The following ITIH5 variants were observed in gnomAD, a reference collection of about 807,000 sequenced individuals.
ITIH5 encodes inter-alpha-trypsin inhibitor heavy chain H5.
Under a neutral mutation model 77.5 loss-of-function variants are expected in ITIH5, and 65 were observed. The ratio of observed to expected loss-of-function variants is 0.84; its 90% CI spans 0.69 to 1.03. The LOEUF is 1.03. ITIH5 is among the 50% of genes least tolerant of loss of function. The pLI is 0.00. For synonymous variants in ITIH5, 525 were observed against 494.3 expected (o/e 1.06, Z -0.82); for missense variants, 1,208 against 1,213.1 (o/e 1.00, Z 0.06).
intron 2 of ITIH5, among the ~76,000 whole-genome samples, chr10:7,644,789 T>A (rs892108073): frequency 5.2e-4 from 66 of 126,204 alleles, no homozygotes; most frequent in African/African-American, 2.0e-3. Context: ...CACATATATA[T>A]CATATATATC....
chr10:7,637,273 G>C lies in ITIH5; in HGVS notation c.607C>G (p.Leu203Val), dbSNP rs1266476316. 6.2e-7 allele frequency: 1 copy of C among 1,611,550 alleles called. No homozygotes were observed. Among genetic ancestry groups the C allele is most frequent in the East Asian group, 2.2e-5 (1 of 44,882 alleles). Residue 203 changes from leucine to valine, a missense_variant, in exon 5 of 14, where the codon CTG becomes GTG. By Grantham distance (32) the Leu-to-Val change is conservative. Coordinates refer to ENST00000397146, the MANE Select transcript of ITIH5 (RefSeq NM_030569.7). ...ESAGIASLEV[L>V]PLHNSRQRGS... ...CTCTGCCTGCTGTTGTGAAGCGGCA[G>C]CACCTCCAGGGATGCGATGCCCGCG...
chr10:7,582,848 G>C (rs557204350), intron 8 of ITIH5, among the ~76,000 whole-genome samples: 2 of 152,312 alleles, frequency 1.3e-5, no homozygotes, highest in African/African-American at 4.8e-5. Flanking sequence ...GGGCAGGGTA[G>C]TGGGGGGTGG....
intron 5 of ITIH5, among the ~76,000 whole-genome samples, chr10:7,629,976 G>A (rs1833686967): frequency 6.6e-6 from 1 of 152,178 alleles, no homozygotes; most frequent in South Asian, 2.1e-4. Flanking sequence ...GTATTGGGGG[G>A]GCTACGGAGC....
At chr10:7,630,194 C>T (rs1833690487) in intron 5 of ITIH5, among the ~76,000 whole-genome samples, 1 of 152,042 alleles carries the variant, frequency 6.6e-6, no homozygotes, top group Admixed American at 6.6e-5. Context: ...ATTTACACAC[C>T]ATAAGATTTA....
In ITIH5 at chr10:7,576,945, C is replaced by T. The variant is rs35892621; in HGVS notation, c.1486G>A (p.Val496Met). 6.3e-4 allele frequency: 1,024 copies of T among 1,614,160 alleles called. 10 individuals carry two copies. The African/African-American group carries it at 0.012, about 19-fold the overall frequency. ...GGGAACAGGGTCTTGGTGGCCTGCA[C>T]CACTGAGCTGGGGGGATAATCGATG... ...IRIDYPPSSV[V>M]QATKTLFPNY... Residue 496 changes from valine to methionine, a missense_variant, in exon 10 of 14, where the codon GTG becomes ATG. Physicochemically the swap from Val to Met is conservative, Grantham distance 21. Transcript: ENST00000397146.
chr10:7,567,191 G>A (rs570510624), intron 12 of ITIH5, among the ~76,000 whole-genome samples: 1 of 151,448 alleles, frequency 6.6e-6, no homozygotes, highest in East Asian at 2.0e-4. Flanking sequence ...AAGTATTTGT[G>A]CATCTACACA....
At chr10:7,587,607 A>T (rs1362483367) in intron 7 of ITIH5, among the ~76,000 whole-genome samples, 16 of 152,218 alleles carry the variant, frequency 1.1e-4, no homozygotes, top group African/African-American at 3.9e-4. Context: ...CAGGACAGTA[A>T]TAGTACCTGC....
chr10:7,661,876 C>A (rs1834282028), intron 1 of ITIH5, among the ~76,000 whole-genome samples: 1 of 151,850 alleles, frequency 6.6e-6, no homozygotes, highest in Admixed American at 6.6e-5. Flanking sequence ...AATTTTTGTA[C>A]TTTTAGTAGA....
intron 5 of ITIH5, chr10:7,621,158 A>G (rs1833469070): frequency 6.6e-6 from 1 of 152,244 alleles, no homozygotes; most frequent in South Asian, 2.1e-4. Context: ...GAAAAGTGTC[A>G]ATAAAATGTG....
rs1471678245 is a variant in ITIH5, at chr10:7,628,980, C to T, written c.652+8248G>A. 1.0e-4 allele frequency among the ~76,000 whole-genome samples: 13 copies of T among 128,420 alleles called. 3 individuals are homozygous for T. Among genetic ancestry groups the T allele is most frequent in the East Asian group, 4.5e-4 (2 of 4,450 alleles). The allele number at this position is 128,420 out of a possible 152,430, so 84.2% of individuals were successfully genotyped here. On this transcript the variant is annotated intron_variant, in intron 5 of 13. Coordinates refer to ENST00000397146, the MANE Select transcript of ITIH5 (RefSeq NM_030569.7). ...GTGTGTCCGTGTTGTAGCATGTGTCCGTGTTGTGGCATGCATCCATGTTAT... is the reference window on the plus strand; with the variant it reads ...GTGTGTCCGTGTTGTAGCATGTGTCTGTGTTGTGGCATGCATCCATGTTAT...
At chr10:7,647,846 G>A (rs991383640) in intron 2 of ITIH5, among the ~76,000 whole-genome samples, 2 of 152,026 alleles carry the variant, frequency 1.3e-5, no homozygotes, top group African/African-American at 4.8e-5. Flanking sequence ...TTCCAGTCTA[G>A]GCCAAAGTCA....
chr10:7,609,120 C>T (rs1223105972), intron 7 of ITIH5, among the ~76,000 whole-genome samples: 1 of 152,202 alleles, frequency 6.6e-6, no homozygotes, highest in Non-Finnish European at 1.5e-5. Flanking sequence ...AGCATAATTA[C>T]ATCATTTTCC....
chr10:7,590,943 C>T (rs1039311803), intron 7 of ITIH5, among the ~76,000 whole-genome samples: 1 of 152,246 alleles, frequency 6.6e-6, no homozygotes. Context: ...TGTCACCAGG[C>T]TGGAGTGCAG....
At chr10:7,644,889 T>C (rs912634090) in intron 2 of ITIH5, among the ~76,000 whole-genome samples, 9 of 80,652 alleles carry the variant, frequency 1.1e-4, no homozygotes, top group Non-Finnish European at 2.0e-4. Flanking sequence ...ATATATCACA[T>C]ATATATATCA....
In ITIH5 at chr10:7,566,252, C is replaced by T. The variant is rs980279256; in HGVS notation, c.2305G>A (p.Asp769Asn). The T allele has an allele frequency of 5.0e-6, 8 of 1,613,156 alleles. No homozygotes were observed. Among genetic ancestry groups the T allele is most frequent in the African/African-American group, 1.3e-5 (1 of 74,890 alleles). The stretch of plus-strand genomic sequence containing the variant: ...TGGTTGCAGGGGAGCACCAGTCTGT[C>T]CCCACCATCCAAGATGACTCTGCTC... ...TPSRVILDGG[D>N]RLVLPCNQSV... Residue 769 changes from aspartate to asparagine, a missense_variant, in exon 13 of 14, where the codon GAC (aspartate) becomes AAC (asparagine). By Grantham distance (23) the Asp-to-Asn change is conservative. Coordinates refer to ENST00000397146, the MANE Select transcript of ITIH5 (RefSeq NM_030569.7).
At chr10:7,625,883 G>C (rs1833569541) in intron 5 of ITIH5, among the ~76,000 whole-genome samples, 1 of 152,198 alleles carries the variant, frequency 6.6e-6, no homozygotes, top group East Asian at 1.9e-4. Flanking sequence ...CCAGCTCTAA[G>C]TTCTGCAAAG....
intron 1 of ITIH5, among the ~76,000 whole-genome samples, chr10:7,664,545 C>T (rs1834332051): frequency 1.3e-5 from 2 of 152,158 alleles, no homozygotes; most frequent in South Asian, 4.1e-4. Flanking sequence ...TGACTTTTTC[C>T]ACCCCAAGGG....
chr10:7,625,628 G>A (rs1030673917), intron 5 of ITIH5, among the ~76,000 whole-genome samples: 2 of 151,980 alleles, frequency 1.3e-5, no homozygotes, highest in African/African-American at 2.4e-5. Context: ...AGCCGGGCCT[G>A]GTGGCGTGAG....
intron 7 of ITIH5, among the ~76,000 whole-genome samples, chr10:7,611,524 A>G (rs10905202): frequency 0.23 from 34,532 of 152,128 alleles, 4,019 homozygotes; most frequent in Middle Eastern, 0.27. Context: ...ACTAGGTTTG[A>G]GGTTAAACCC....
Sources: gnomAD v4.1 joint callset for allele counts (sites outside exome capture counted in the v4.1 genomes callset) on GRCh38, gnomAD v4.1.1 for gene constraint, MANE v1.5 for transcripts, NCBI Gene and HGNC (gene_info 2026-07-23, HGNC 2026-07-21) for gene names.